The following GPC5 variants were observed in gnomAD, a reference collection of about 807,000 sequenced individuals.
GPC5 encodes the protein glypican 5.
A neutral mutation model predicts 53.9 loss-of-function variants in GPC5; 47 were observed. That is an observed-to-expected ratio of 0.87 (90% confidence interval 0.69 to 1.11). The LOEUF (loss-of-function observed/expected upper bound fraction) is 1.11. Among genes scored for constraint, GPC5 ranks in the 50% most tolerant of loss-of-function variants. The pLI is 0.00. For synonymous variants in GPC5, 286 were observed against 263.3 expected, an observed-to-expected ratio of 1.09 and a Z score of -0.84; for missense variants, 748 against 713.1, an observed-to-expected ratio of 1.05 and a Z score of -0.56.
chr13:91,884,168 C>T (rs771719240), intron 5 of GPC5, among the ~76,000 whole-genome samples: 3 of 152,038 alleles, frequency 2.0e-5, no homozygotes, highest in Non-Finnish European at 4.4e-5. Flanking sequence ...ATTAGTTCGA[C>T]CACTGTGGAA....
chr13:92,574,974 T>C (rs1459359139), intron 7 of GPC5, among the ~76,000 whole-genome samples: 1 of 152,130 alleles, frequency 6.6e-6, no homozygotes, highest in East Asian at 1.9e-4. Context: ...ACCTCAATGA[T>C]TTCCCTGATT....
Position 92,001,428 on chromosome 13 carries a change from C to T in GPC5, c.1401+93371C>T, listed in dbSNP as rs553563026. Among the ~76,000 whole-genome samples, 10 of 152,154 alleles carry T rather than the reference C, an allele frequency of 6.6e-5. No homozygotes were observed. In the South Asian group the frequency reaches 2.1e-3, roughly 32 times the overall value. Reference sequence around the variant, plus strand: ...GAGATTACAGAGATATATCAAGATTCCATTATAAATTGAGCAATTAAAAAA... The same window carrying T: ...GAGATTACAGAGATATATCAAGATTTCATTATAAATTGAGCAATTAAAAAA... On this transcript the variant is annotated intron_variant, in intron 6 of 7. Transcript: ENST00000377067.
intron 7 of GPC5, among the ~76,000 whole-genome samples, chr13:92,772,941 A>C (rs1440012987): frequency 6.6e-6 from 1 of 152,156 alleles, no homozygotes; most frequent in Non-Finnish European, 1.5e-5. Context: ...GCATGTGCTT[A>C]AACTAGTACC....
intron 6 of GPC5, among the ~76,000 whole-genome samples, chr13:91,930,523 C>G (rs1385439286): frequency 6.6e-6 from 1 of 151,888 alleles, no homozygotes; most frequent in Non-Finnish European, 1.5e-5. Context: ...TCAGAGATAA[C>G]TCTGTTTTCT....
rs112502918 is a variant in GPC5 at position 92,413,075 on chromosome 13, A to G, written c.1561+268086A>G. ...CTAAGTTCTCAAAGCAACCCACTGA[A>G]GTAGGTTTTTCTATTTCCATTTTAT... is the stretch of plus-strand genomic sequence containing the variant. On this transcript the variant is annotated intron_variant, in intron 7 of 7. Transcript: ENST00000377067. Among the ~76,000 whole-genome samples, 586 of 152,330 alleles carry G rather than the reference A, an allele frequency of 3.8e-3. 6 individuals are homozygous for G. The highest frequency in any genetic ancestry group is 0.014 in the African/African-American group (567 of 41,582).
intron 7 of GPC5, among the ~76,000 whole-genome samples, chr13:92,219,888 G>A (rs760333489): frequency 6.6e-6 from 1 of 152,022 alleles, no homozygotes; most frequent in African/African-American, 2.4e-5. Context: ...CTGTAATCAG[G>A]CTCCTTAAGC....
chr13:92,347,109 G>T (rs1440029936), intron 7 of GPC5, among the ~76,000 whole-genome samples: 1 of 152,074 alleles, frequency 6.6e-6, no homozygotes, highest in Non-Finnish European at 1.5e-5. Flanking sequence ...AGAGAACAAG[G>T]TCCATAGAGC....
chr13:92,667,527 G>A (rs71427588), intron 7 of GPC5, among the ~76,000 whole-genome samples: 33,296 of 152,038 alleles, frequency 0.22, 4,339 homozygotes, highest in South Asian at 0.36. Context: ...CTATTCATGG[G>A]TTATGAAATT....
At chr13:91,658,293 T>A (rs1209577564) in intron 2 of GPC5, among the ~76,000 whole-genome samples, 1 of 152,136 alleles carries the variant, frequency 6.6e-6, no homozygotes, top group African/African-American at 2.4e-5. Flanking sequence ...AATTGAAATA[T>A]AATAGTAAAT....
At chr13:92,384,004 G>A (rs956149771) in intron 7 of GPC5, among the ~76,000 whole-genome samples, 1 of 152,122 alleles carries the variant, frequency 6.6e-6, no homozygotes, top group Non-Finnish European at 1.5e-5. Context: ...CATTTGTTCA[G>A]CAGTTTCTCC....
chr13:91,583,250 T>C (rs11840944), intron 2 of GPC5, among the ~76,000 whole-genome samples: 7,016 of 152,146 alleles, frequency 0.046, 512 homozygotes, highest in African/African-American at 0.16. Flanking sequence ...GGAATATAGT[T>C]GGAAAGGAAC....
intron 6 of GPC5, among the ~76,000 whole-genome samples, chr13:92,078,099 A>G (rs758483460): frequency 3.3e-5 from 5 of 152,200 alleles, no homozygotes; most frequent in African/African-American, 4.8e-5. Flanking sequence ...TATGAGAGAG[A>G]CAAGTGAGAT....
intron 6 of GPC5, among the ~76,000 whole-genome samples, chr13:91,934,262 A>T (rs1304884470): frequency 6.6e-6 from 1 of 151,912 alleles, no homozygotes; most frequent in African/African-American, 2.4e-5. Flanking sequence ...AAAAATAATT[A>T]ATTGAAAGCA....
chr13:91,667,925 G>C (rs1414522143), intron 2 of GPC5, among the ~76,000 whole-genome samples: 1 of 152,070 alleles, frequency 6.6e-6, no homozygotes, highest in Admixed American at 6.5e-5. Context: ...CAAAGACTGT[G>C]GAACTCAGTA....
chr13:92,505,385 A>G (rs1238000308), intron 7 of GPC5, among the ~76,000 whole-genome samples: 1 of 152,010 alleles, frequency 6.6e-6, no homozygotes, highest in Non-Finnish European at 1.5e-5. Context: ...AATCACTAGG[A>G]AAAAGTCAAT....
rs537316759 is a variant in GPC5, at chr13:91,839,499, G to A, written c.1281-68438G>A. On this transcript the variant is annotated intron_variant, in intron 5 of 7. Coordinates refer to ENST00000377067, the MANE Select transcript of GPC5 (RefSeq NM_004466.6). ...TAACATTGAAAGTTAATCACCTGTAGTTAACAGGTGGTTAATGTTATATAT... is the reference window on the plus strand; with the variant it reads ...TAACATTGAAAGTTAATCACCTGTAATTAACAGGTGGTTAATGTTATATAT... Among the ~76,000 whole-genome samples, 79 of 151,994 alleles carry A rather than the reference G, an allele frequency of 5.2e-4. 1 individual carries two copies. Among genetic ancestry groups the A allele is most frequent in the African/African-American group, 1.9e-3 (77 of 41,472 alleles).
Position 91,749,478 on chromosome 13 carries a change from G to A in GPC5, c.1155-6817G>A, listed in dbSNP as rs116676795. Among the ~76,000 whole-genome samples the A allele has an allele frequency of 2.8e-3, 419 of 152,242 alleles. 5 individuals carry two copies. Among genetic ancestry groups the A allele is most frequent in the African/African-American group, 9.5e-3 (396 of 41,548 alleles). ...TCTTTGTTTCTGTGAATAGTGCTGC[G>A]ATAAACATACGACTACAGGTATCTT... On this transcript the variant is annotated intron_variant, in intron 4 of 7. Transcript: ENST00000377067.
chr13:92,099,613 T>C (rs926761588), intron 6 of GPC5, among the ~76,000 whole-genome samples: 2 of 152,198 alleles, frequency 1.3e-5, no homozygotes, highest in Non-Finnish European at 2.9e-5. Flanking sequence ...TGATTATCTA[T>C]TTGTAGGTTG....
intron 7 of GPC5, among the ~76,000 whole-genome samples, chr13:92,251,111 C>A (rs1293277776): frequency 4.6e-5 from 7 of 152,074 alleles, no homozygotes; most frequent in African/African-American, 1.7e-4. Flanking sequence ...AAATTACAAT[C>A]CCACATAAAG....
Sources: allele counts gnomAD v4.1 joint callset (sites outside exome capture counted in the v4.1 genomes callset), GRCh38; gene constraint gnomAD v4.1.1; transcripts MANE v1.5; gene names NCBI Gene and HGNC (gene_info 2026-07-23, HGNC 2026-07-21).